The following KCND2 variants were observed in gnomAD, a reference collection of about 807,000 sequenced individuals.
KCND2 encodes the protein potassium voltage-gated channel subfamily D member 2.
KCND2 carries 16 observed loss-of-function variants against 54.4 expected under a neutral mutation model. That is an observed-to-expected ratio of 0.29 (90% CI 0.20 to 0.45). KCND2 has a LOEUF of 0.45. KCND2 is among the 20% of genes least tolerant of loss of function. KCND2 has a pLI of 1.00. For synonymous variants in KCND2, 317 were observed against 310.7 expected (o/e 1.02, Z -0.21); for missense variants, 486 against 824.2 (o/e 0.59, Z 5.02).
chr7:120,638,185 C>T (rs1281844656), intron 1 of KCND2, among the ~76,000 whole-genome samples: 5 of 152,084 alleles, frequency 3.3e-5, no homozygotes, highest in African/African-American at 9.7e-5. Flanking sequence ...TACATGCTCA[C>T]GAGATGTTTT....
intron 1 of KCND2, among the ~76,000 whole-genome samples, chr7:120,636,623 A>G (rs1793307627): frequency 6.6e-6 from 1 of 152,102 alleles, no homozygotes; most frequent in South Asian, 2.1e-4. Context: ...TTTTCTCACT[A>G]TGAAGAGATT....
At chr7:120,604,339 TA>T (rs5886994) in intron 1 of KCND2, among the ~76,000 whole-genome samples, 87,565 of 123,280 alleles carry the variant, frequency 0.71, 31,782 homozygotes, top group Middle Eastern at 0.88. Flanking sequence ...CCGTCTTTAC[TA>T]AAAAAAAAAA....
intron 1 of KCND2, among the ~76,000 whole-genome samples, chr7:120,685,812 G>A (rs1792194725): frequency 6.6e-6 from 1 of 152,158 alleles, no homozygotes; most frequent in South Asian, 2.1e-4. Context: ...CTCCTAATAT[G>A]AATAAGTAAA....
intron 1 of KCND2, among the ~76,000 whole-genome samples, chr7:120,643,258 A>G (rs1793399628): frequency 6.6e-6 from 1 of 152,212 alleles, no homozygotes; most frequent in African/African-American, 2.4e-5. Flanking sequence ...TGACATTAAC[A>G]TAATAAGAAA....
At chr7:120,352,644 G>A (rs1285930170) in intron 1 of KCND2, among the ~76,000 whole-genome samples, 1 of 151,920 alleles carries the variant, frequency 6.6e-6, no homozygotes, top group African/African-American at 2.4e-5. Flanking sequence ...TTAGAATTTT[G>A]CCAACCTAGG....
chr7:120,583,056 A>T (rs1446730045), intron 1 of KCND2, among the ~76,000 whole-genome samples: 3 of 152,072 alleles, frequency 2.0e-5, no homozygotes, highest in African/African-American at 7.2e-5. Flanking sequence ...TTGTACACTT[A>T]CAGTGTAACC....
chr7:120,319,531 A>C (rs550120033), intron 1 of KCND2, among the ~76,000 whole-genome samples: 1 of 152,232 alleles, frequency 6.6e-6, no homozygotes, highest in Non-Finnish European at 1.5e-5. Flanking sequence ...TGGATACAGT[A>C]ACCCAGAAGC....
chr7:120,712,241 A>ATTTTTTTTTTTTTTTTTTTTTT (rs869059871), intron 1 of KCND2, among the ~76,000 whole-genome samples: 2 of 34,784 alleles, frequency 5.7e-5, no homozygotes, highest in African/African-American at 1.2e-4. Flanking sequence ...GGATATCTGA[A>ATTTTTTTTTTTTTTTTTTTTTT]TTTTTTTTTT....
chr7:120,384,576 C>T (rs1016544135), intron 1 of KCND2, among the ~76,000 whole-genome samples: 1 of 152,088 alleles, frequency 6.6e-6, no homozygotes, highest in Non-Finnish European at 1.5e-5. Context: ...AAATATCATA[C>T]CTTTATAACT....
At chr7:120,430,115 A>G (rs755869351) in intron 1 of KCND2, among the ~76,000 whole-genome samples, 17 of 152,170 alleles carry the variant, frequency 1.1e-4, no homozygotes, top group Non-Finnish European at 2.1e-4. Flanking sequence ...GTTAAACAAC[A>G]GAAATTTGTT....
At chr7:120,379,423 C>T (rs1045293896) in intron 1 of KCND2, among the ~76,000 whole-genome samples, 8 of 151,998 alleles carry the variant, frequency 5.3e-5, no homozygotes, top group Non-Finnish European at 1.2e-4. Flanking sequence ...ATAACCCTAG[C>T]TTCTTTATTA....
chr7:120,432,500 C>T (rs542214846), intron 1 of KCND2, among the ~76,000 whole-genome samples: 59 of 134,854 alleles, frequency 4.4e-4, no homozygotes, highest in Middle Eastern at 3.4e-3. Context: ...TGTGAATACA[C>T]GCACACACAC....
chr7:120,555,085 C>T (rs1792147615), intron 1 of KCND2, among the ~76,000 whole-genome samples: 1 of 152,162 alleles, frequency 6.6e-6, no homozygotes, highest in African/African-American at 2.4e-5. Flanking sequence ...ATTACATCCA[C>T]CCAGGGATCT....
intron 1 of KCND2, among the ~76,000 whole-genome samples, chr7:120,540,283 A>C (rs1187470748): frequency 6.6e-6 from 1 of 152,222 alleles, no homozygotes; most frequent in Non-Finnish European, 1.5e-5. Flanking sequence ...AGCTTACCTT[A>C]TGATATAAAA....
chr7:120,390,418 A>G (rs903267897), intron 1 of KCND2, among the ~76,000 whole-genome samples: 2 of 151,946 alleles, frequency 1.3e-5, no homozygotes, highest in African/African-American at 2.4e-5. Context: ...CAGCACTTAC[A>G]TATGTTATCT....
At chr7:120,554,508 A>G (rs1455445221) in intron 1 of KCND2, among the ~76,000 whole-genome samples, 1 of 151,854 alleles carries the variant, frequency 6.6e-6, no homozygotes, top group East Asian at 1.9e-4. Context: ...TCCCGGGTTC[A>G]TGCCATTCTC....
At chr7:120,315,922 G>A (rs1435637739) in intron 1 of KCND2, among the ~76,000 whole-genome samples, 1 of 151,932 alleles carries the variant, frequency 6.6e-6, no homozygotes, top group Admixed American at 6.6e-5. Flanking sequence ...ATTTCCAAAG[G>A]TGTTTGTGGA....
At chr7:120,433,308 G>A (rs1801820748) in intron 1 of KCND2, among the ~76,000 whole-genome samples, 1 of 152,196 alleles carries the variant, frequency 6.6e-6, no homozygotes, top group South Asian at 2.1e-4. Context: ...CTGCTCTACT[G>A]TTTGCTGTAT....
At chr7:120,681,256 T>C (rs948661385) in intron 1 of KCND2, among the ~76,000 whole-genome samples, 3 of 152,030 alleles carry the variant, frequency 2.0e-5, no homozygotes, top group Admixed American at 2.0e-4. Context: ...GATGTTTCAG[T>C]GTCTCAACTT....
Sources: gnomAD v4.1 joint callset for allele counts (sites outside exome capture counted in the v4.1 genomes callset) on GRCh38, gnomAD v4.1.1 for gene constraint, MANE v1.5 for transcripts, NCBI Gene and HGNC (gene_info 2026-07-23, HGNC 2026-07-21) for gene names.